The following TBL1XR1 variants were observed in gnomAD, a reference collection of about 807,000 sequenced individuals.
The protein encoded by TBL1XR1 is F-box-like/WD repeat-containing protein TBL1XR1.
TBL1XR1 carries 5 observed loss-of-function variants against 66.9 expected under a neutral mutation model. The observed-to-expected ratio is 0.07, with a 90% confidence interval of 0.04 to 0.16. The LOEUF is 0.16. Among genes scored for constraint, TBL1XR1 ranks in the 10% least tolerant of loss-of-function variants. TBL1XR1 has a pLI of 1.00. For missense variants in TBL1XR1, 238 were observed against 623.2 expected (o/e 0.38, Z 6.58); for synonymous variants, 210 against 206.0 (o/e 1.02, Z -0.17).
rs1051532519 is a variant in TBL1XR1 at position 177,131,253 on chromosome 3, G to A, written c.-121-32712C>T. 5.6e-6 allele frequency: 4 copies of A among 713,638 alleles called. No individual in the cohort carries two copies. The African/African-American group carries it at 7.7e-5, about 14-fold the overall frequency. 44.2% of individuals were successfully genotyped at this position (713,638 alleles called of 1,614,324 possible). A position where few individuals can be genotyped will look rare whatever the true frequency, so the allele number is the denominator to read the frequency against. ...CTAACTCTTCATTCAAAGACACATA[G>A]CAACACACACAAAAAAAGTCAAAAG... is the stretch of plus-strand genomic sequence containing the variant. On this transcript the variant is annotated intron_variant, in intron 1 of 15. Coordinates refer to ENST00000457928, the MANE Select transcript of TBL1XR1 (RefSeq NM_024665.7).
chr3:177,172,887 C>A (rs952292715), intron 1 of TBL1XR1, among the ~76,000 whole-genome samples: 2 of 151,884 alleles, frequency 1.3e-5, no homozygotes, highest in Admixed American at 1.3e-4. Context: ...TAACATATTT[C>A]TTTGGCCAGG....
rs1719045399 is a variant in TBL1XR1, at chr3:177,065,552, A to G, written c.-45-530T>C. On this transcript the variant is annotated intron_variant, in intron 2 of 15. Transcript: ENST00000457928. ...GTTCAAGTCTCAAAAAGCTCTAGGT[A>G]TGTATGAGATAGGCTGGAATACAGT... Among the ~76,000 whole-genome samples the G allele has an allele frequency of 2.0e-5, 3 of 152,320 alleles. No individual in the cohort carries two copies. In the South Asian group the frequency reaches 6.2e-4, roughly 32 times the overall value.
At chr3:177,071,630 C>A (rs562528521) in intron 2 of TBL1XR1, among the ~76,000 whole-genome samples, 27 of 152,272 alleles carry the variant, frequency 1.8e-4, no homozygotes, top group African/African-American at 6.5e-4. Flanking sequence ...AGATCAACAT[C>A]CATCCCCCAC....
rs569018690 is a variant in TBL1XR1 at position 177,173,118 on chromosome 3, C to T, written c.-122+24003G>A. On this transcript the variant is annotated intron_variant, in intron 1 of 15. Transcript: ENST00000457928. ...AGGAGAATCGCTTGAACCTGGGAGG[C>T]GGGGGCTGCAGTGAGCCGAGATCGT... Among the ~76,000 whole-genome samples the T allele has an allele frequency of 7.2e-5, 11 of 152,194 alleles. 1 individual carries two copies. The South Asian group carries it at 1.7e-3, about 23-fold the overall frequency.
intron 1 of TBL1XR1, among the ~76,000 whole-genome samples, chr3:177,154,585 C>T (rs1731274932): frequency 1.3e-5 from 2 of 151,914 alleles, no homozygotes; most frequent in Admixed American, 6.6e-5. Context: ...TTAGTAGAAA[C>T]GGGGTTTCGC....
chr3:177,113,662 C>T (rs1725932921), intron 1 of TBL1XR1, among the ~76,000 whole-genome samples: 1 of 152,058 alleles, frequency 6.6e-6, no homozygotes, highest in African/African-American at 2.4e-5. Flanking sequence ...GAGACCCCAT[C>T]TCTATAAACA....
chr3:177,122,871 T>C (rs907852368), intron 1 of TBL1XR1, among the ~76,000 whole-genome samples: 1 of 152,170 alleles, frequency 6.6e-6, no homozygotes, highest in African/African-American at 2.4e-5. Context: ...GTTTTAATAA[T>C]GTGGCTTATT....
intron 1 of TBL1XR1, among the ~76,000 whole-genome samples, chr3:177,187,853 T>TAAAA (rs5854746): frequency 7.2e-6 from 1 of 138,914 alleles, no homozygotes. Flanking sequence ...ATTAAAAAGT[T>TAAAA]AAAAAAAAAT....
chr3:177,187,835 C>T (rs778307593), intron 1 of TBL1XR1, among the ~76,000 whole-genome samples: 1 of 140,670 alleles, frequency 7.1e-6, no homozygotes, highest in Non-Finnish European at 1.6e-5. Flanking sequence ...TAGACTGACA[C>T]CTAGTTTATT....
chr3:177,105,720 T>C (rs150795151), intron 1 of TBL1XR1, among the ~76,000 whole-genome samples: 107 of 152,208 alleles, frequency 7.0e-4, no homozygotes, highest in Middle Eastern at 3.4e-3. Flanking sequence ...CACTCAGATG[T>C]AATTGGTCTA....
At chr3:177,069,793 A>AAAGGAAGGGAAGGAAGGGAAGG (rs1693635433) in intron 2 of TBL1XR1, among the ~76,000 whole-genome samples, 1 of 92,342 alleles carries the variant, frequency 1.1e-5, no homozygotes, top group African/African-American at 4.6e-5. Flanking sequence ...AAAAGGAAGG[A>AAAGGAAGGGAAGGAAGGGAAGG]AAGGAAGGAA....
intron 1 of TBL1XR1, among the ~76,000 whole-genome samples, chr3:177,141,371 T>C (rs1184645045): frequency 6.6e-6 from 1 of 152,236 alleles, no homozygotes; most frequent in African/African-American, 2.4e-5. Context: ...TAAGTCAGAA[T>C]ACCAAGTAGA....
intron 1 of TBL1XR1, among the ~76,000 whole-genome samples, chr3:177,102,908 T>TTC (rs1724403994): frequency 6.6e-6 from 1 of 152,206 alleles, no homozygotes; most frequent in African/African-American, 2.4e-5. Flanking sequence ...TGCCTTATTC[T>TTC]TCTATCATAC....
chr3:177,108,280 T>A (rs1020910159), intron 1 of TBL1XR1, among the ~76,000 whole-genome samples: 3 of 152,190 alleles, frequency 2.0e-5, no homozygotes, highest in African/African-American at 4.8e-5. Flanking sequence ...AAACATAGTA[T>A]CTTATGTGGC....
At chr3:177,178,892 T>C (rs911533120) in intron 1 of TBL1XR1, among the ~76,000 whole-genome samples, 2 of 152,096 alleles carry the variant, frequency 1.3e-5, no homozygotes, top group South Asian at 2.1e-4. Context: ...CCGAGGCTGG[T>C]GGATCACCTG....
rs1716921288 is a variant in TBL1XR1, at chr3:177,050,540, C to T, written c.498G>A (p.Arg166=). ...EIPPNKAVVL[R]GHESEVFICA... ...AGATAAAAACTTCAGATTCATGGCC[C>T]CGCAACACAACAGCTTTATTAGGAG... Residue 166 remains arginine (R), a synonymous_variant, in exon 6 of 16, where the codon CGG becomes CGA. Transcript: ENST00000457928. 1 of 1,613,794 alleles carries T rather than the reference C, an allele frequency of 6.2e-7. No individual in the cohort carries two copies. Among genetic ancestry groups the T allele is most frequent in the Non-Finnish European group, 8.5e-7 (1 of 1,179,836 alleles).
intron 1 of TBL1XR1, among the ~76,000 whole-genome samples, chr3:177,187,383 T>C (rs1735551714): frequency 7.2e-6 from 1 of 138,344 alleles, no homozygotes. Context: ...CAACAGAGAC[T>C]CTATCTCAAA....
chr3:177,133,232 A>G (rs1728509011), intron 1 of TBL1XR1, among the ~76,000 whole-genome samples: 1 of 152,224 alleles, frequency 6.6e-6, no homozygotes, highest in Non-Finnish European at 1.5e-5. Flanking sequence ...GGCTGCAGTG[A>G]GCTAAGATTG....
At position 177,043,911 on chromosome 3, in the gene TBL1XR1, A is replaced by G. The variant is rs76786047; in HGVS notation, c.925+2218T>C. 3.9e-3 allele frequency among the ~76,000 whole-genome samples: 591 copies of G among 152,252 alleles called. 2 individuals carry two copies. The highest frequency in any genetic ancestry group is 0.013 in the African/African-American group (555 of 41,542). ...ACTTGTCACCATCTACCTTGAGGTG[A>G]TAATTTTAAATGGGCTAAATAATCT... is the stretch of plus-strand genomic sequence containing the variant. On this transcript the variant is annotated intron_variant, in intron 10 of 15. Transcript: ENST00000457928.
Sources: gnomAD v4.1 joint callset for allele counts (sites outside exome capture counted in the v4.1 genomes callset) on GRCh38, gnomAD v4.1.1 for gene constraint, MANE v1.5 for transcripts, NCBI Gene and HGNC (gene_info 2026-07-23, HGNC 2026-07-21) for gene names.